Variants in MSI2 observed in about 807,000 individuals in gnomAD.
The protein encoded by MSI2 is RNA-binding protein Musashi homolog 2.
Under a neutral mutation model 45.6 loss-of-function variants are expected in MSI2, and 17 were observed. The ratio of observed to expected loss-of-function variants is 0.37; its 90% CI spans 0.26 to 0.56. The LOEUF (loss-of-function observed/expected upper bound fraction) is 0.56, where lower values mean the gene tolerates loss of function less well. Ranked by LOEUF, MSI2 falls within the 20% of genes least tolerant of loss-of-function variation. The pLI, the probability that MSI2 is intolerant of heterozygous loss-of-function variation, is 0.77. For missense variants in MSI2, 293 were observed against 444.2 expected (o/e 0.66, Z 3.06); for synonymous variants, 156 against 158.2 (o/e 0.99, Z 0.11).
At chr17:57,591,482 G>A (rs925280074) in intron 7 of MSI2, among the ~76,000 whole-genome samples, 15 of 152,150 alleles carry the variant, frequency 9.9e-5, no homozygotes, top group Admixed American at 9.8e-4. Context: ...CAACACTTTG[G>A]GAGGCTGAGG....
chr17:57,421,607 G>A (rs572917801), intron 6 of MSI2, among the ~76,000 whole-genome samples: 35 of 152,174 alleles, frequency 2.3e-4, no homozygotes, highest in East Asian at 1.9e-4. Flanking sequence ...AATAGTCCTG[G>A]TGCAGTGGCT....
At chr17:57,330,086 G>A (rs769001064) in intron 5 of MSI2, among the ~76,000 whole-genome samples, 2 of 152,042 alleles carry the variant, frequency 1.3e-5, no homozygotes, top group Non-Finnish European at 2.9e-5. Flanking sequence ...GGATGGTAGA[G>A]TTTCCAACTT....
chr17:57,662,969 C>T (rs967746554), intron 11 of MSI2, among the ~76,000 whole-genome samples: 6 of 152,246 alleles, frequency 3.9e-5, no homozygotes, highest in Non-Finnish European at 8.8e-5. Context: ...GGGAAGTTAG[C>T]CAATGCCCAG....
intron 7 of MSI2, among the ~76,000 whole-genome samples, chr17:57,556,071 T>C (rs2087429734): frequency 6.6e-6 from 1 of 152,268 alleles, no homozygotes; most frequent in East Asian, 1.9e-4. Flanking sequence ...AGCTTGGAAC[T>C]GGATTGGAAT....
intron 5 of MSI2, among the ~76,000 whole-genome samples, chr17:57,295,483 A>G (rs1379905983): frequency 2.0e-5 from 3 of 151,760 alleles, no homozygotes; most frequent in Non-Finnish European, 4.4e-5. Context: ...TTTTTGGGGG[A>G]TTATTATTAT....
intron 7 of MSI2, among the ~76,000 whole-genome samples, chr17:57,539,647 A>T (rs1455635880): frequency 4.2e-5 from 1 of 24,024 alleles, no homozygotes; most frequent in South Asian, 1.1e-3. Flanking sequence ...GTTTCCATAA[A>T]CAGATGATCT....
At chr17:57,500,976 AT>A (rs958950252) in intron 6 of MSI2, among the ~76,000 whole-genome samples, 1 of 151,630 alleles carries the variant, frequency 6.6e-6, no homozygotes, top group Admixed American at 6.6e-5. Flanking sequence ...AAAAAAAAAA[AT>A]GAACCAATAT....
chr17:57,471,348 T>C (rs2085434017), intron 6 of MSI2, among the ~76,000 whole-genome samples: 2 of 138,170 alleles, frequency 1.4e-5, no homozygotes, highest in South Asian at 2.4e-4. Flanking sequence ...TGGAGTGCAG[T>C]GGTACAATCT....
intron 6 of MSI2, among the ~76,000 whole-genome samples, chr17:57,459,828 T>A (rs1484053311): frequency 1.3e-5 from 2 of 151,308 alleles, no homozygotes; most frequent in African/African-American, 4.9e-5. Context: ...ACTTCATCTC[T>A]ACAAAAAATT....
intron 5 of MSI2, among the ~76,000 whole-genome samples, chr17:57,318,408 A>T (rs2143651474): frequency 1.3e-5 from 2 of 151,406 alleles, no homozygotes; most frequent in Admixed American, 1.3e-4. Context: ...CAGTCTGAAG[A>T]CTCTTTCCTC....
intron 6 of MSI2, among the ~76,000 whole-genome samples, chr17:57,513,381 C>G (rs1417338950): frequency 6.6e-6 from 1 of 152,188 alleles, no homozygotes; most frequent in African/African-American, 2.4e-5. Context: ...TGTCACACAG[C>G]TAATAAATAC....
At chr17:57,317,797 A>G (rs1453442792) in intron 5 of MSI2, among the ~76,000 whole-genome samples, 2 of 152,198 alleles carry the variant, frequency 1.3e-5, no homozygotes, top group Admixed American at 6.5e-5. Context: ...TATTTGGGGT[A>G]GTGGTGCCCC....
At chr17:57,260,224 C>G (rs762331421) in intron 4 of MSI2, among the ~76,000 whole-genome samples, 1 of 152,108 alleles carries the variant, frequency 6.6e-6, no homozygotes, top group Non-Finnish European at 1.5e-5. Context: ...TTGGGATTTG[C>G]CATGCTTAAC....
intron 7 of MSI2, among the ~76,000 whole-genome samples, chr17:57,585,220 G>C (rs1002404286): frequency 6.6e-6 from 1 of 152,200 alleles, no homozygotes; most frequent in South Asian, 2.1e-4. Flanking sequence ...ATGATAGTTG[G>C]TAAAGCACCA....
At position 57,529,144 on chromosome 17, in the gene MSI2, A is replaced by T. The variant is rs1367874213; in HGVS notation, c.406-532A>T. ...ATAGTTTTTTCTTTCTTTAGAAAAA[A>T]AATACTCCAGGCCTGGAGCAGTGGC... On this transcript the variant is annotated intron_variant, in intron 6 of 13. Transcript: ENST00000284073. The surrounding 1 kb of genome is among the most constrained non-coding windows in gnomAD (Gnocchi z 5.3). 6.6e-6 allele frequency among the ~76,000 whole-genome samples: 1 copy of T among 152,198 alleles called. No individual in the cohort carries two copies. The highest frequency in any genetic ancestry group is 1.9e-4 in the East Asian group (1 of 5,200).
intron 6 of MSI2, among the ~76,000 whole-genome samples, chr17:57,456,358 C>G (rs907684364): frequency 8.5e-5 from 13 of 152,172 alleles, no homozygotes; most frequent in African/African-American, 3.1e-4. Context: ...GCCTATAATC[C>G]CAGCACTTTG....
intron 11 of MSI2, among the ~76,000 whole-genome samples, chr17:57,660,276 T>C (rs1911895652): frequency 6.6e-6 from 1 of 152,180 alleles, no homozygotes; most frequent in African/African-American, 2.4e-5. Flanking sequence ...TCTGGAATGC[T>C]AGGAAGAGTC....
rs148805558 is a variant in MSI2, at chr17:57,315,281, C to T, written c.312+53089C>T. Reference sequence around the variant, plus strand: ...TGTCCTTTGCCTGGGGCAGGTCAGGCGAGTAAAGGAGAAACACAGGCCCAG... The same window carrying T: ...TGTCCTTTGCCTGGGGCAGGTCAGGTGAGTAAAGGAGAAACACAGGCCCAG... On this transcript the variant is annotated intron_variant, in intron 5 of 13. Transcript: ENST00000284073. Among the ~76,000 whole-genome samples, 645 of 152,068 alleles carry T rather than the reference C, an allele frequency of 4.2e-3. 7 individuals are homozygous for T. The highest frequency in any genetic ancestry group is 0.015 in the African/African-American group (616 of 41,460).
chr17:57,332,193 G>A lies in MSI2; in HGVS notation c.313-69186G>A, dbSNP rs139687919. On this transcript the variant is annotated intron_variant, in intron 5 of 13. Transcript: ENST00000284073. ...TTGGCTCACTGCAACCTCCACCTCC[G>A]CGGTTCAAGCAATTCTCCTGCCTCA... Among the ~76,000 whole-genome samples, 1,459 of 149,484 alleles carry A rather than the reference G, an allele frequency of 9.8e-3. 26 individuals carry two copies. The highest frequency in any genetic ancestry group is 0.034 in the African/African-American group (1,376 of 40,498).
Sources: allele counts gnomAD v4.1 joint callset (sites outside exome capture counted in the v4.1 genomes callset), GRCh38; gene constraint gnomAD v4.1.1; non-coding constraint Gnocchi (gnomAD v3.1); transcripts MANE v1.5; gene names NCBI Gene and HGNC (gene_info 2026-07-23, HGNC 2026-07-21).